FER: variants seen among roughly 807,000 people sequenced by gnomAD.
FER encodes the protein FER tyrosine kinase, also known as tyrosine-protein kinase Fer.
FER carries 63 observed loss-of-function variants against 111.0 expected under a neutral mutation model. The ratio of observed to expected loss-of-function variants is 0.57; its 90% confidence interval spans 0.46 to 0.70. The LOEUF (loss-of-function observed/expected upper bound fraction) is 0.70, where lower values mean the gene tolerates loss of function less well. Among genes scored for constraint, FER ranks in the 30% least tolerant of loss-of-function variants. The pLI is 0.00. For missense variants in FER, 914 were observed against 954.0 expected (o/e 0.96, Z 0.55); for synonymous variants, 327 against 313.9 (o/e 1.04, Z -0.44).
intron 17 of FER, among the ~76,000 whole-genome samples, chr5:109,133,998 A>T (rs1025833642): frequency 3.3e-5 from 5 of 151,904 alleles, no homozygotes; most frequent in Non-Finnish European, 7.4e-5. Context: ...ATCAGGAATA[A>T]TTTTTCTCTC....
chr5:108,950,917 A>C (rs1332795774), intron 11 of FER, among the ~76,000 whole-genome samples: 1 of 152,046 alleles, frequency 6.6e-6, no homozygotes, highest in East Asian at 1.9e-4. Flanking sequence ...ATCCCCTCCC[A>C]AAATTCCTAA....
intron 3 of FER, among the ~76,000 whole-genome samples, chr5:108,820,972 C>T (rs755650958): frequency 8.9e-4 from 135 of 152,192 alleles, no homozygotes; most frequent in Non-Finnish European, 1.4e-3. Flanking sequence ...ATTAGCCGAG[C>T]ATGGTGGCAC....
chr5:108,758,745 A>G (rs1751394509), intron 1 of FER, among the ~76,000 whole-genome samples: 1 of 152,214 alleles, frequency 6.6e-6, no homozygotes. Flanking sequence ...AAGTGTGGTC[A>G]GCTATGTCTA....
chr5:108,862,846 A>G (rs1763662219), intron 5 of FER, among the ~76,000 whole-genome samples: 1 of 152,140 alleles, frequency 6.6e-6, no homozygotes, highest in Non-Finnish European at 1.5e-5. Context: ...GAGTAAAAAA[A>G]AAAACCAGAC....
intron 2 of FER, among the ~76,000 whole-genome samples, chr5:108,787,494 G>A (rs1580527133): frequency 6.6e-6 from 1 of 152,140 alleles, no homozygotes; most frequent in African/African-American, 2.4e-5. Flanking sequence ...CTGGGGGCTG[G>A]GCTGCCAGTT....
intron 5 of FER, among the ~76,000 whole-genome samples, chr5:108,857,456 A>G (rs10036583): frequency 0.22 from 33,080 of 152,014 alleles, 3,774 homozygotes; most frequent in African/African-American, 0.27. Context: ...CATTGGAGTA[A>G]GGTGGTATAC....
chr5:109,017,000 G>A (rs1767234387), intron 13 of FER, among the ~76,000 whole-genome samples: 1 of 152,052 alleles, frequency 6.6e-6, no homozygotes, highest in African/African-American at 2.4e-5. Flanking sequence ...CTGCAATCCA[G>A]TGAGAAAGCC....
chr5:108,986,428 G>A (rs984117032), intron 13 of FER, among the ~76,000 whole-genome samples: 1 of 151,052 alleles, frequency 6.6e-6, no homozygotes, highest in African/African-American at 2.4e-5. Context: ...TTCTTTTTCT[G>A]TGCAGAAGCT....
intron 18 of FER, among the ~76,000 whole-genome samples, chr5:109,183,246 G>A (rs995918738): frequency 3.4e-4 from 19 of 55,662 alleles, no homozygotes; most frequent in African/African-American, 7.9e-4. Flanking sequence ...AAATCCTAGC[G>A]TGTTTTTTTT....
chr5:108,907,193 C>G (rs1750903424), intron 10 of FER, among the ~76,000 whole-genome samples: 1 of 151,986 alleles, frequency 6.6e-6, no homozygotes, highest in Admixed American at 6.6e-5. Context: ...CTTTTATTTC[C>G]CCTTTTTCTC....
In FER at chr5:109,095,516, A is replaced by G. The variant is rs114835708; in HGVS notation, c.1925-4880A>G. Among the ~76,000 whole-genome samples the G allele has an allele frequency of 1.9e-3, 287 of 152,128 alleles. 3 individuals carry two copies. Among genetic ancestry groups the G allele is most frequent in the African/African-American group, 6.3e-3 (262 of 41,528 alleles). ...CCCATCTCTCATAAATATACCCTAT[A>G]TGTAGCAGCCAGTATCCTCTGCTTT... On this transcript the variant is annotated intron_variant, in intron 16 of 19. Transcript: ENST00000281092.
chr5:108,872,009 C>G lies in FER; in HGVS notation c.804-84C>G, dbSNP rs1307849577. ...TTGTTAACATAATTTTGGATAAAAA[C>G]AAATATTCTGCCTTTAGTGTATATG... is the stretch of plus-strand genomic sequence containing the variant. On this transcript the variant is annotated intron_variant, in intron 7 of 19. Transcript: ENST00000281092. 8 of 1,323,892 alleles carry G rather than the reference C, an allele frequency of 6.0e-6. No individual in the cohort carries two copies. In the African/African-American group the frequency reaches 1.1e-4, roughly 18 times the overall value. The allele number at this position is 1,323,892 out of a possible 1,614,324, so 82.0% of individuals were successfully genotyped here.
intron 17 of FER, among the ~76,000 whole-genome samples, chr5:109,171,249 C>T (rs1391876693): frequency 1.3e-5 from 2 of 152,080 alleles, no homozygotes; most frequent in Non-Finnish European, 2.9e-5. Context: ...CCCTCATGCT[C>T]AGAAAATCAA....
intron 1 of FER, among the ~76,000 whole-genome samples, chr5:108,759,081 T>C (rs1375961799): frequency 6.6e-6 from 1 of 152,220 alleles, no homozygotes; most frequent in Non-Finnish European, 1.5e-5. Flanking sequence ...GAACAGACTG[T>C]CTTAGGGTCT....
At chr5:108,859,638 T>C (rs527255669) in intron 5 of FER, among the ~76,000 whole-genome samples, 1 of 152,276 alleles carries the variant, frequency 6.6e-6, no homozygotes, top group Admixed American at 6.5e-5. Flanking sequence ...ATTAGGAAAT[T>C]ATGGAATGTA....
At chr5:109,169,670 A>G (rs1249702343) in intron 17 of FER, among the ~76,000 whole-genome samples, 1 of 152,208 alleles carries the variant, frequency 6.6e-6, no homozygotes, top group Non-Finnish European at 1.5e-5. Flanking sequence ...CAATAAATAT[A>G]TTTCCCCTTT....
chr5:108,990,828 C>G (rs1281642556), intron 13 of FER, among the ~76,000 whole-genome samples: 1 of 151,544 alleles, frequency 6.6e-6, no homozygotes, highest in Non-Finnish European at 1.5e-5. Context: ...ATTCTCTACC[C>G]AAATATAGTA....
intron 10 of FER, among the ~76,000 whole-genome samples, chr5:108,944,103 A>G (rs1756645006): frequency 6.9e-6 from 1 of 143,914 alleles, no homozygotes; most frequent in South Asian, 2.3e-4. Context: ...TTTTATGTGT[A>G]TGTGTACACA....
intron 3 of FER, among the ~76,000 whole-genome samples, chr5:108,823,642 C>T (rs1034946882): frequency 1.3e-5 from 2 of 152,082 alleles, no homozygotes; most frequent in Non-Finnish European, 1.5e-5. Context: ...TTTCTGTGTG[C>T]TGTTGAGTTG....
Sources: allele counts gnomAD v4.1 joint callset (sites outside exome capture counted in the v4.1 genomes callset), GRCh38; gene constraint gnomAD v4.1.1; transcripts MANE v1.5; gene names NCBI Gene and HGNC (gene_info 2026-07-23, HGNC 2026-07-21).